Variants in ADCY2 observed in about 807,000 individuals in gnomAD.
The protein encoded by ADCY2 is adenylate cyclase type 2.
A neutral mutation model predicts 125.2 loss-of-function variants in ADCY2; 31 were observed. The ratio of observed to expected loss-of-function variants is 0.25; its 90% confidence interval spans 0.19 to 0.33. The LOEUF (loss-of-function observed/expected upper bound fraction) is 0.33, where lower values mean the gene tolerates loss of function less well. Ranked by LOEUF, ADCY2 falls within the 10% of genes least tolerant of loss-of-function variation. The probability of loss-of-function intolerance (pLI) is 1.00; values close to 1 mark genes in which losing one functional copy is unlikely to be tolerated. For synonymous variants in ADCY2, 512 were observed against 548.4 expected (o/e 0.93, Z 0.93); for missense variants, 904 against 1,418.2 (o/e 0.64, Z 5.82).
chr5:7,482,376 A>G (rs1343823105), intron 2 of ADCY2, among the ~76,000 whole-genome samples: 1 of 152,118 alleles, frequency 6.6e-6, no homozygotes, highest in Non-Finnish European at 1.5e-5. Flanking sequence ...AATTTCTCTC[A>G]TTCTTCAGGT....
At chr5:7,574,951 A>G (rs1489535992) in intron 3 of ADCY2, among the ~76,000 whole-genome samples, 1 of 152,238 alleles carries the variant, frequency 6.6e-6, no homozygotes, top group Non-Finnish European at 1.5e-5. Flanking sequence ...AAGACCAACA[A>G]TATGAGAAAA....
chr5:7,674,110 G>T (rs566303114), intron 4 of ADCY2, among the ~76,000 whole-genome samples: 1 of 152,168 alleles, frequency 6.6e-6, no homozygotes, highest in Non-Finnish European at 1.5e-5. Flanking sequence ...TAGCTTCGGT[G>T]TTGGATTGAC....
chr5:7,723,754 C>A (rs1741839196), intron 12 of ADCY2, among the ~76,000 whole-genome samples: 1 of 151,706 alleles, frequency 6.6e-6, no homozygotes, highest in Non-Finnish European at 1.5e-5. Flanking sequence ...AACCCCACCT[C>A]TACTAAAAAT....
intron 4 of ADCY2, among the ~76,000 whole-genome samples, chr5:7,650,452 G>A (rs1739048887): frequency 6.6e-6 from 1 of 152,050 alleles, no homozygotes; most frequent in African/African-American, 2.4e-5. Context: ...TAAAATTCAG[G>A]GATAGTAATG....
chr5:7,814,229 TGAG>T (rs2307998), intron 22 of ADCY2, among the ~76,000 whole-genome samples: 18,887 of 152,146 alleles, frequency 0.12, 3,461 homozygotes, highest in African/African-American at 0.4. Flanking sequence ...ATAATTCACC[TGAG>T]GATAGGAAGA....
chr5:7,458,406 T>G (rs16878660), intron 2 of ADCY2, among the ~76,000 whole-genome samples: 13,392 of 152,264 alleles, frequency 0.088, 1,006 homozygotes, highest in African/African-American at 0.21. Flanking sequence ...TAGTTATTTA[T>G]ATAAAGCAGT....
chr5:7,396,573 A>G lies in ADCY2; in HGVS notation c.210+67A>G. On this transcript the variant is annotated intron_variant, in intron 1 of 24. Transcript: ENST00000338316. The surrounding 1 kb of genome is among the most constrained non-coding windows in gnomAD (Gnocchi z 5.7). ...GCCCTGAGAGGAGCCCGGCCAGCCGAGCCGCGTCCCGCTCCGGGCTGCCCC... is the reference window on the plus strand; with the variant it reads ...GCCCTGAGAGGAGCCCGGCCAGCCGGGCCGCGTCCCGCTCCGGGCTGCCCC... 7.2e-7 allele frequency: 1 copy of G among 1,388,188 alleles called. No individual in the cohort carries two copies. The highest frequency in any genetic ancestry group is 9.5e-7 in the Non-Finnish European group (1 of 1,058,042). 86.0% of individuals were successfully genotyped at this position (1,388,188 alleles called of 1,614,324 possible).
At chr5:7,642,361 A>C (rs1397619357) in intron 4 of ADCY2, among the ~76,000 whole-genome samples, 5 of 151,980 alleles carry the variant, frequency 3.3e-5, no homozygotes, top group African/African-American at 1.2e-4. Context: ...TCCCATTTTT[A>C]ATGGGATTAT....
At position 7,497,610 on chromosome 5, in the gene ADCY2, TGAG is replaced by T. The variant is rs1743386994; in HGVS notation, c.409-23124_409-23122del. Among the ~76,000 whole-genome samples the T allele has an allele frequency of 3.3e-5, 5 of 152,108 alleles. No homozygotes were observed. In the South Asian group the frequency reaches 1.0e-3, roughly 32 times the overall value. On this transcript the variant is annotated intron_variant, in intron 2 of 24. Transcript: ENST00000338316. ...AAAGTCATTCATAATTCATCCATAA[TGAG>T]GAGAGAGAAATTAGCAAGCACCTAT...
chr5:7,469,400 A>G (rs1018919165), intron 2 of ADCY2, among the ~76,000 whole-genome samples: 1 of 151,984 alleles, frequency 6.6e-6, no homozygotes, highest in African/African-American at 2.4e-5. Flanking sequence ...TCTGACATGA[A>G]TGGCTCTATC....
intron 4 of ADCY2, among the ~76,000 whole-genome samples, chr5:7,676,545 A>G (rs934815962): frequency 4.6e-5 from 7 of 152,080 alleles, no homozygotes; most frequent in Non-Finnish European, 7.4e-5. Flanking sequence ...GAGATAATTC[A>G]TATGGATTTA....
intron 3 of ADCY2, among the ~76,000 whole-genome samples, chr5:7,590,129 A>G (rs908050549): frequency 6.6e-6 from 1 of 152,218 alleles, no homozygotes; most frequent in Admixed American, 6.5e-5. Flanking sequence ...TGGAAATGAG[A>G]TAAAATGAAA....
intron 3 of ADCY2, among the ~76,000 whole-genome samples, chr5:7,571,760 A>T (rs1736071862): frequency 1.3e-5 from 2 of 151,984 alleles, no homozygotes; most frequent in Non-Finnish European, 2.9e-5. Context: ...CTTAGTACCT[A>T]TTATTTTTCC....
chr5:7,566,041 A>T (rs1481774091), intron 3 of ADCY2, among the ~76,000 whole-genome samples: 1 of 152,144 alleles, frequency 6.6e-6, no homozygotes, highest in Admixed American at 6.5e-5. Context: ...TGCAAGAAGG[A>T]TTTTTCTCTT....
At chr5:7,632,757 A>G (rs1738360152) in intron 4 of ADCY2, among the ~76,000 whole-genome samples, 2 of 152,214 alleles carry the variant, frequency 1.3e-5, no homozygotes, top group Non-Finnish European at 2.9e-5. Flanking sequence ...GAGAAGTTCC[A>G]GGACAAGATG....
At chr5:7,516,245 C>A (rs918241790) in intron 2 of ADCY2, among the ~76,000 whole-genome samples, 1 of 152,112 alleles carries the variant, frequency 6.6e-6, no homozygotes, top group African/African-American at 2.4e-5. Flanking sequence ...TGATTATAGA[C>A]CTGGAAAGAG....
At chr5:7,548,069 C>T (rs923342366) in intron 3 of ADCY2, among the ~76,000 whole-genome samples, 2 of 152,214 alleles carry the variant, frequency 1.3e-5, no homozygotes, top group Non-Finnish European at 2.9e-5. Context: ...CTTCCATTGA[C>T]ACCTGCCCAT....
intron 2 of ADCY2, among the ~76,000 whole-genome samples, chr5:7,426,421 C>G (rs995667100): frequency 4.6e-5 from 7 of 152,180 alleles, no homozygotes; most frequent in African/African-American, 1.4e-4. Flanking sequence ...GAATGGCTCT[C>G]TGCTCCCAAG....
intron 4 of ADCY2, among the ~76,000 whole-genome samples, chr5:7,657,315 T>C (rs887279840): frequency 2.1e-4 from 32 of 152,332 alleles, no homozygotes; most frequent in Admixed American, 1.7e-3. Context: ...TGAAGCTCAT[T>C]GAGTCATTGA....
Sources: allele counts gnomAD v4.1 joint callset (sites outside exome capture counted in the v4.1 genomes callset), GRCh38; gene constraint gnomAD v4.1.1; non-coding constraint Gnocchi (gnomAD v3.1); transcripts MANE v1.5; gene names NCBI Gene and HGNC (gene_info 2026-07-23, HGNC 2026-07-21).